DLGAP2: variants seen among roughly 807,000 people sequenced by gnomAD.
DLGAP2 encodes the protein disks large-associated protein 2.
A neutral mutation model predicts 100.3 loss-of-function variants in DLGAP2; 26 were observed. That is an observed-to-expected ratio of 0.26 (90% CI 0.19 to 0.36). DLGAP2 has a LOEUF of 0.36. Ranked by LOEUF, DLGAP2 falls within the 10% of genes least tolerant of loss-of-function variation. The pLI is 1.00. For synonymous variants in DLGAP2, 886 were observed against 630.1 expected, an observed-to-expected ratio of 1.41 and a Z score of -6.08; for missense variants, 1,858 against 1,453.2, an observed-to-expected ratio of 1.28 and a Z score of -4.53.
At chr8:1,199,295 A>G (rs369841259) in intron 2 of DLGAP2, among the ~76,000 whole-genome samples, 2 of 152,240 alleles carry the variant, frequency 1.3e-5, no homozygotes, top group South Asian at 2.1e-4. Context: ...ATATCTTGCA[A>G]TATTTGAGCA....
intron 3 of DLGAP2, among the ~76,000 whole-genome samples, chr8:1,436,826 A>T (rs1158591023): frequency 6.6e-6 from 1 of 152,130 alleles, no homozygotes; most frequent in Non-Finnish European, 1.5e-5. Flanking sequence ...TCCTCTGCAG[A>T]CGTACCATTT....
intron 3 of DLGAP2, among the ~76,000 whole-genome samples, chr8:1,431,530 T>TGCCTGGCGCTCAGCA (rs1163663179): frequency 6.6e-6 from 1 of 152,200 alleles, no homozygotes; most frequent in Non-Finnish European, 1.5e-5. Context: ...GGCAGCCAGC[T>TGCCTGGCGCTCAGCA]GCCTGGCGCT....
At chr8:1,299,337 C>A (rs1156662056) in intron 3 of DLGAP2, among the ~76,000 whole-genome samples, 1 of 152,212 alleles carries the variant, frequency 6.6e-6, no homozygotes, top group African/African-American at 2.4e-5. Flanking sequence ...GGTGTCTCCA[C>A]CATACAAGGG....
chr8:950,493 C>G (rs373428139), intron 2 of DLGAP2, among the ~76,000 whole-genome samples: 3 of 152,272 alleles, frequency 2.0e-5, no homozygotes, highest in African/African-American at 7.2e-5. Context: ...GAGAAAACAT[C>G]TTTGAAGATA....
chr8:1,081,682 C>A (rs576905509), intron 2 of DLGAP2, among the ~76,000 whole-genome samples: 2 of 152,300 alleles, frequency 1.3e-5, no homozygotes, highest in East Asian at 3.9e-4. Flanking sequence ...GATTGTGTTC[C>A]TTTTCTTATT....
rs114315361 is a variant in DLGAP2 at position 1,176,815 on chromosome 8, A to G, written c.74-82036A>G. On this transcript the variant is annotated intron_variant, in intron 2 of 14. Transcript: ENST00000637795. Reference sequence around the variant, plus strand: ...GGTTGGAGGCAGGCCTGGTGGTCACATTCTCTCAACACACCCTCTGGCTTC... The same window carrying G: ...GGTTGGAGGCAGGCCTGGTGGTCACGTTCTCTCAACACACCCTCTGGCTTC... Among the ~76,000 whole-genome samples, 646 of 152,292 alleles carry G rather than the reference A, an allele frequency of 4.2e-3. 1 individual carries two copies. Among genetic ancestry groups the G allele is most frequent in the African/African-American group, 0.015 (621 of 41,560 alleles).
intron 3 of DLGAP2, among the ~76,000 whole-genome samples, chr8:1,346,188 A>T (rs541236347): frequency 3.1e-4 from 47 of 152,350 alleles, no homozygotes; most frequent in African/African-American, 1.1e-3. Context: ...GTTCCCATAC[A>T]GAGCTGCATT....
At chr8:870,896 G>T (rs1317187127) in intron 1 of DLGAP2, among the ~76,000 whole-genome samples, 1 of 152,132 alleles carries the variant, frequency 6.6e-6, no homozygotes, top group Non-Finnish European at 1.5e-5. Flanking sequence ...CACGTCTTGG[G>T]GGCTCAGCAG....
At chr8:1,429,379 C>A (rs1470443307) in intron 3 of DLGAP2, among the ~76,000 whole-genome samples, 1 of 152,146 alleles carries the variant, frequency 6.6e-6, no homozygotes, top group African/African-American at 2.4e-5. Context: ...TTCGTTAACA[C>A]TGTAGTGGCT....
At chr8:790,809 G>A (rs1822004765) in intron 1 of DLGAP2, among the ~76,000 whole-genome samples, 1 of 152,086 alleles carries the variant, frequency 6.6e-6, no homozygotes, top group Non-Finnish European at 1.5e-5. Flanking sequence ...ACAGTGGTGT[G>A]ATCATAACTC....
intron 6 of DLGAP2, among the ~76,000 whole-genome samples, chr8:1,575,711 A>T (rs986877667): frequency 4.2e-5 from 6 of 144,124 alleles, no homozygotes; most frequent in African/African-American, 1.3e-4. Flanking sequence ...GAGTGAGAAC[A>T]TGTGGTGTTT....
chr8:839,908 C>T (rs1255270366), intron 1 of DLGAP2, among the ~76,000 whole-genome samples: 1 of 151,760 alleles, frequency 6.6e-6, no homozygotes, highest in Admixed American at 6.6e-5. Context: ...TCTCCCCACA[C>T]TCTGGGTTCT....
intron 3 of DLGAP2, among the ~76,000 whole-genome samples, chr8:1,266,147 T>G (rs1007110355): frequency 6.6e-6 from 1 of 152,216 alleles, no homozygotes; most frequent in Non-Finnish European, 1.5e-5. Context: ...AAGGGAGGTT[T>G]CCCTGGCCCC....
At chr8:1,149,143 A>G (rs2129051332) in intron 2 of DLGAP2, among the ~76,000 whole-genome samples, 1 of 125,508 alleles carries the variant, frequency 8.0e-6, no homozygotes, top group South Asian at 2.5e-4. Context: ...TTGTGGAATT[A>G]CCCTCTTTTT....
intron 2 of DLGAP2, among the ~76,000 whole-genome samples, chr8:1,192,548 C>G (rs572730784): frequency 6.6e-6 from 1 of 152,206 alleles, no homozygotes; most frequent in Admixed American, 6.5e-5. Context: ...TGTCCAGCCT[C>G]TCTCAAGTCT....
chr8:1,269,443 G>A (rs1206041976), intron 3 of DLGAP2, among the ~76,000 whole-genome samples: 1 of 152,170 alleles, frequency 6.6e-6, no homozygotes, highest in Non-Finnish European at 1.5e-5. Flanking sequence ...TGTAACACTT[G>A]CTCCAGGGCT....
intron 2 of DLGAP2, among the ~76,000 whole-genome samples, chr8:1,255,584 G>A (rs546600655): frequency 5.5e-4 from 69 of 126,388 alleles, no homozygotes; most frequent in Middle Eastern, 5.4e-3. Context: ...GTCCTTTCCT[G>A]CCTGAGCACT....
At chr8:1,187,840 C>T (rs1359595886) in intron 2 of DLGAP2, among the ~76,000 whole-genome samples, 3 of 119,784 alleles carry the variant, frequency 2.5e-5, no homozygotes, top group African/African-American at 4.7e-5. Flanking sequence ...GTTTCCCTCA[C>T]GGAATCTCAC....
intron 2 of DLGAP2, among the ~76,000 whole-genome samples, chr8:1,180,160 G>C (rs1797348294): frequency 6.6e-6 from 1 of 152,164 alleles, no homozygotes; most frequent in Non-Finnish European, 1.5e-5. Context: ...TCCAAACTGA[G>C]GACGTAAATT....
Sources: allele counts gnomAD v4.1 joint callset (sites outside exome capture counted in the v4.1 genomes callset), GRCh38; gene constraint gnomAD v4.1.1; transcripts MANE v1.5; gene names NCBI Gene and HGNC (gene_info 2026-07-23, HGNC 2026-07-21).